The following CCDC171 variants were observed in gnomAD, a reference collection of about 807,000 sequenced individuals.
CCDC171 encodes coiled-coil domain-containing protein 171.
CCDC171 carries 177 observed loss-of-function variants against 168.2 expected under a neutral mutation model. That is an observed-to-expected ratio of 1.05 (90% CI 0.93 to 1.19). The LOEUF (loss-of-function observed/expected upper bound fraction) is 1.19, where lower values mean the gene tolerates loss of function less well. Among genes scored for constraint, CCDC171 ranks in the 50% most tolerant of loss-of-function variants. The probability of loss-of-function intolerance (pLI) is 0.00; values close to 1 mark genes in which losing one functional copy is unlikely to be tolerated. For synonymous variants in CCDC171, 687 were observed against 540.8 expected, an observed-to-expected ratio of 1.27 and a Z score of -3.75; for missense variants, 1,991 against 1,539.0, an observed-to-expected ratio of 1.29 and a Z score of -4.91.
the CCDC171 span, among the ~76,000 whole-genome samples, chr9:16,108,756 G>GA: frequency 6.6e-6 from 1 of 152,024 alleles, no homozygotes; most frequent in East Asian, 1.9e-4. Flanking sequence ...AAATATTTGG[G>GA]AAAAAAATTA....
At chr9:15,915,884 C>T (rs1228664119) in intron 24 of CCDC171, among the ~76,000 whole-genome samples, 3 of 151,984 alleles carry the variant, frequency 2.0e-5, no homozygotes, top group Non-Finnish European at 4.4e-5. Context: ...TGGTTTTTGT[C>T]CTTAATTCTG....
At chr9:16,082,262 G>T in the CCDC171 span, among the ~76,000 whole-genome samples, 1 of 152,192 alleles carries the variant, frequency 6.6e-6, no homozygotes, top group Non-Finnish European at 1.5e-5. Context: ...CTTGGAGAAT[G>T]AGGGGCTTTA....
chr9:15,654,685 G>T (rs777193604), intron 7 of CCDC171, among the ~76,000 whole-genome samples: 1 of 152,062 alleles, frequency 6.6e-6, no homozygotes, highest in Admixed American at 6.6e-5. Context: ...CAAGATGGCC[G>T]AATAGGAACA....
rs1404712045 is a variant in CCDC171 at position 15,820,231 on chromosome 9, G to A, written c.3268-26471G>A. On this transcript the variant is annotated intron_variant, in intron 21 of 25. Coordinates refer to ENST00000380701, the MANE Select transcript of CCDC171 (RefSeq NM_173550.4). The stretch of plus-strand genomic sequence containing the variant: ...TTTTTAGCACTAAATGCCCACAAGA[G>A]AAAGCAGAAAAGATCTAAAATCGAC... Among the ~76,000 whole-genome samples the A allele has an allele frequency of 1.7e-4, 7 of 42,390 alleles. 3 individuals carry two copies. Among genetic ancestry groups the A allele is most frequent in the Admixed American group, 7.0e-4 (2 of 2,864 alleles). The allele number at this position is 42,390 out of a possible 152,430, so 27.8% of individuals were successfully genotyped here.
At chr9:15,998,693 C>T (rs117496417) in intron 3 of CCDC171, among the ~76,000 whole-genome samples, 241 of 152,218 alleles carry the variant, frequency 1.6e-3, no homozygotes, top group Non-Finnish European at 2.9e-3. Context: ...ACCCTGCTAC[C>T]CAGGATTGTC....
intron 6 of CCDC171, among the ~76,000 whole-genome samples, chr9:15,595,116 AC>A (rs1353116112): frequency 6.6e-6 from 1 of 152,124 alleles, no homozygotes; most frequent in Non-Finnish European, 1.5e-5. Context: ...ACAGAAGTTG[AC>A]CAAAAATATG....
intron 3 of CCDC171, among the ~76,000 whole-genome samples, chr9:15,980,742 G>GT (rs778644493): frequency 0.053 from 7,438 of 141,410 alleles, 544 homozygotes; most frequent in African/African-American, 0.17. Context: ...TGCTCATTTG[G>GT]TTTTTTTTTT....
intron 24 of CCDC171, among the ~76,000 whole-genome samples, chr9:15,891,159 T>A (rs1193754870): frequency 6.6e-6 from 1 of 152,152 alleles, no homozygotes; most frequent in Non-Finnish European, 1.5e-5. Flanking sequence ...TTTGCTGAAA[T>A]TCATAAATAA....
At chr9:15,985,994 G>A (rs148633130) in intron 3 of CCDC171, among the ~76,000 whole-genome samples, 10 of 152,272 alleles carry the variant, frequency 6.6e-5, no homozygotes, top group African/African-American at 2.4e-4. Flanking sequence ...GTACTTGGTT[G>A]AAAGGCACAA....
intron 24 of CCDC171, among the ~76,000 whole-genome samples, chr9:15,900,545 A>G (rs1415037614): frequency 6.6e-6 from 1 of 151,970 alleles, no homozygotes; most frequent in Non-Finnish European, 1.5e-5. Context: ...CCTATGCTGG[A>G]CTCCTGGCCC....
chr9:16,023,263 A>G (rs2133027224), intron 6 of CCDC171, among the ~76,000 whole-genome samples: 1 of 152,320 alleles, frequency 6.6e-6, no homozygotes, highest in East Asian at 1.9e-4. Context: ...CTGTGACTCA[A>G]ATAGATTGAT....
At chr9:15,603,149 G>GT (rs1440867734) in intron 6 of CCDC171, among the ~76,000 whole-genome samples, 5 of 151,352 alleles carry the variant, frequency 3.3e-5, no homozygotes, top group Admixed American at 3.3e-4. Flanking sequence ...GCCCAGCTAA[G>GT]TTTTTTTTGT....
chr9:16,091,029 C>T, the CCDC171 span, among the ~76,000 whole-genome samples: 2 of 152,214 alleles, frequency 1.3e-5, no homozygotes, highest in Non-Finnish European at 2.9e-5. Flanking sequence ...GCCATTTGCT[C>T]TTCCCTTTCT....
At chr9:15,982,184 T>A (rs562404297) in intron 3 of CCDC171, among the ~76,000 whole-genome samples, 1 of 151,550 alleles carries the variant, frequency 6.6e-6, no homozygotes, top group South Asian at 2.1e-4. Flanking sequence ...CAGAGGAAGA[T>A]ATCATAGCAC....
intron 11 of CCDC171, among the ~76,000 whole-genome samples, chr9:15,712,391 T>TATTA (rs1450559392): frequency 6.6e-6 from 1 of 152,222 alleles, no homozygotes; most frequent in Non-Finnish European, 1.5e-5. Context: ...AGATACCTTA[T>TATTA]ATTAAGTGGA....
intron 24 of CCDC171, among the ~76,000 whole-genome samples, chr9:15,906,481 G>A (rs1822629273): frequency 6.6e-6 from 1 of 152,190 alleles, no homozygotes; most frequent in South Asian, 2.1e-4. Context: ...AACGCTTCAT[G>A]CTAAAAACTC....
At chr9:15,844,934 C>T (rs1475468294) in intron 21 of CCDC171, among the ~76,000 whole-genome samples, 1 of 152,048 alleles carries the variant, frequency 6.6e-6, no homozygotes, top group Non-Finnish European at 1.5e-5. Context: ...ATAGTCCCCT[C>T]ACCAATATGC....
intron 6 of CCDC171, among the ~76,000 whole-genome samples, chr9:15,598,011 T>C (rs1587283602): frequency 6.6e-6 from 1 of 152,284 alleles, no homozygotes; most frequent in African/African-American, 2.4e-5. Context: ...TGATTTTTTA[T>C]TGTGTCTATT....
chr9:15,781,808 C>A (rs1306803730), intron 20 of CCDC171, among the ~76,000 whole-genome samples: 1 of 152,216 alleles, frequency 6.6e-6, no homozygotes, highest in Admixed American at 6.5e-5. Flanking sequence ...GTATCAGACA[C>A]TGACCCTAAG....
Sources: gnomAD v4.1 joint callset for allele counts (sites outside exome capture counted in the v4.1 genomes callset) on GRCh38, gnomAD v4.1.1 for gene constraint, MANE v1.5 for transcripts, NCBI Gene and HGNC (gene_info 2026-07-23, HGNC 2026-07-21) for gene names.